MINAR1: variants seen among roughly 807,000 people sequenced by gnomAD.
The protein encoded by MINAR1 is membrane integral NOTCH2 associated receptor 1, also known as major intrinsically disordered Notch2-binding receptor 1.
A neutral mutation model predicts 65.1 loss-of-function variants in MINAR1; 40 were observed. The observed-to-expected ratio is 0.61, with a 90% CI of 0.48 to 0.80. The LOEUF is 0.80. Ranked by LOEUF, MINAR1 falls within the 30% of genes least tolerant of loss-of-function variation. MINAR1 has a pLI of 0.00. For missense variants in MINAR1, 1,128 were observed against 1,148.0 expected, an observed-to-expected ratio of 0.98 and a Z score of 0.25; for synonymous variants, 482 against 449.1, an observed-to-expected ratio of 1.07 and a Z score of -0.93.
At chr15:79,413,599 G>A in the MINAR1 span, 1 of 152,256 alleles carries the variant, frequency 6.6e-6, no homozygotes, top group Non-Finnish European at 1.5e-5. Context: ...AGTGCTGAAG[G>A]TGTGTTCATT....
rs770561012 is a variant in MINAR1, at chr15:79,468,307, A to T, written c.2674A>T (p.Ile892Leu). 1.9e-6 allele frequency: 3 copies of T among 1,614,038 alleles called. No homozygotes were observed. In the East Asian group the frequency reaches 6.7e-5, roughly 36 times the overall value. Residue 892 changes from isoleucine to leucine, a missense_variant, in exon 4 of 4, where the codon ATA becomes TTA. Coordinates refer to ENST00000305428, the MANE Select transcript of MINAR1 (RefSeq NM_015206.3). ...ATTCAGACGAGCCAAGGTCTGCAAG[A>T]TAGCTGCTCTGATCGCTGCTGCGGC... The part of the protein sequence containing the change: ...AEFRRAKVCK[I>L]AALIAAAACT...
upstream of MINAR1, among the ~76,000 whole-genome samples, chr15:79,430,493 G>T (rs556054757): frequency 6.6e-6 from 1 of 152,236 alleles, no homozygotes; most frequent in African/African-American, 2.4e-5. Context: ...TGAACTCAAA[G>T]GACAATGAGG....
At chr15:79,460,195 G>T (rs570642252) in intron 2 of MINAR1, among the ~76,000 whole-genome samples, 7 of 152,066 alleles carry the variant, frequency 4.6e-5, no homozygotes, top group Admixed American at 3.9e-4. Context: ...CTCCTTCCTG[G>T]CTTGTGACTC....
intron 1 of MINAR1, among the ~76,000 whole-genome samples, chr15:79,444,096 C>T (rs569052037): frequency 6.6e-6 from 1 of 152,260 alleles, no homozygotes; most frequent in East Asian, 1.9e-4. Flanking sequence ...AGTTAAGGCC[C>T]GGGTTCACAC....
At position 79,457,342 on chromosome 15, in the gene MINAR1, A is replaced by G; in HGVS notation, c.1195A>G (p.Ser399Gly). 1 of 1,614,208 alleles carries G rather than the reference A, an allele frequency of 6.2e-7. No homozygotes were observed. Among genetic ancestry groups the G allele is most frequent in the Non-Finnish European group, 8.5e-7 (1 of 1,180,028 alleles). Residue 399 changes from serine to glycine, a missense_variant, in exon 2 of 4, where the codon AGT becomes GGT. Transcript: ENST00000305428. ...GGAGAAGCTACACTATCCAAATGCCAGTAGCCAGACCCCCAATTTCCCAGC... is the reference window on the plus strand; with the variant it reads ...GGAGAAGCTACACTATCCAAATGCCGGTAGCCAGACCCCCAATTTCCCAGC... ...SEEKLHYPNA[S>G]SQTPNFPAPE...
At chr15:79,460,453 C>T (rs925455449) in intron 2 of MINAR1, among the ~76,000 whole-genome samples, 2 of 152,164 alleles carry the variant, frequency 1.3e-5, no homozygotes, top group Non-Finnish European at 2.9e-5. Context: ...TGAAGAAGCC[C>T]CTCTGGTCCC....
In MINAR1 at chr15:79,457,396, C is replaced by G; in HGVS notation, c.1249C>G (p.Pro417Ala). 1 of 1,614,134 alleles carries G rather than the reference C, an allele frequency of 6.2e-7. No homozygotes were observed. Among genetic ancestry groups the G allele is most frequent in the Non-Finnish European group, 8.5e-7 (1 of 1,180,024 alleles). The change falls in exon 2 of 4, where the codon CCA (proline) becomes GCA (alanine). Residue 417 changes from proline to alanine, a missense_variant. Physicochemically the swap from Pro to Ala is conservative, Grantham distance 27. Transcript: ENST00000305428. ...AGAAAGGCGCCCAACTTACCTTGTG[C>G]CAAAGGATCAACAGCCAATTCTCCC... is the stretch of plus-strand genomic sequence containing the variant. ...APERRPTYLV[P>A]KDQQPILPIA...
Position 79,470,298 on chromosome 15 carries a change from A to T in MINAR1, c.*1914A>T, listed in dbSNP as rs1446552600. 6.6e-6 allele frequency: 1 copy of T among 152,506 alleles called. No individual in the cohort carries two copies. Among genetic ancestry groups the T allele is most frequent in the Admixed American group, 6.5e-5 (1 of 15,270 alleles). 9.4% of individuals were successfully genotyped at this position (152,506 alleles called of 1,614,324 possible). On this transcript the variant is annotated 3_prime_UTR_variant, in exon 4 of 4. Transcript: ENST00000305428. Reference sequence around the variant, plus strand: ...AGACTACTAGGTTACCACTCTGGGCATTGCCTTTCCACCTAACCCCTCAAC... The same window carrying T: ...AGACTACTAGGTTACCACTCTGGGCTTTGCCTTTCCACCTAACCCCTCAAC...
intron 1 of MINAR1, among the ~76,000 whole-genome samples, chr15:79,437,396 G>T (rs529818125): frequency 1.5e-5 from 2 of 137,012 alleles, no homozygotes; most frequent in Non-Finnish European, 3.2e-5. Flanking sequence ...GCAGTGATTG[G>T]GTGTGGGTGT....
chr15:79,454,196 A>G (rs1895335777), intron 1 of MINAR1, among the ~76,000 whole-genome samples: 1 of 152,152 alleles, frequency 6.6e-6, no homozygotes, highest in African/African-American at 2.4e-5. Flanking sequence ...CTGGGCAGGA[A>G]CAGAACCTCT....
At position 79,459,953 on chromosome 15, in the gene MINAR1, A is replaced by T. The variant is rs532166914; in HGVS notation, c.2298+1508A>T. Among the ~76,000 whole-genome samples the T allele has an allele frequency of 5.3e-5, 8 of 152,256 alleles. No homozygotes were observed. The South Asian group carries it at 1.7e-3, about 32-fold the overall frequency. ...AGGTTTCTGGTGCTTTGGGTTTCAG[A>T]TATCATTGAACAGTGGCCATTTAGA... On this transcript the variant is annotated intron_variant, in intron 2 of 3. Coordinates refer to ENST00000305428, the MANE Select transcript of MINAR1 (RefSeq NM_015206.3).
Position 79,458,165 on chromosome 15 carries a change from C to T in MINAR1, c.2018C>T (p.Pro673Leu), listed in dbSNP as rs1895507902. ...CACGCACACAGTGGCTCCCACGGAC[C>T]CAAACTAGAGAACAACCCTGACTGG... ...MFHAHSGSHGPKLENNPDWCC... is the reference protein window; with the variant it reads ...MFHAHSGSHGLKLENNPDWCC... The change falls in exon 2 of 4, where the codon CCC (proline) becomes CTC (leucine). Residue 673 changes from proline (P) to leucine (L), a missense_variant. By Grantham distance (98) the Pro-to-Leu change is moderately conservative. Transcript: ENST00000305428. 2 of 1,614,030 alleles carry T rather than the reference C, an allele frequency of 1.2e-6. No individual in the cohort carries two copies. Among genetic ancestry groups the T allele is most frequent in the Admixed American group, 3.3e-5 (2 of 60,006 alleles).
intron 1 of MINAR1, among the ~76,000 whole-genome samples, chr15:79,435,055 AC>A (rs1894557318): frequency 6.6e-6 from 1 of 152,172 alleles, no homozygotes; most frequent in South Asian, 2.1e-4. Flanking sequence ...CGGGTGGATC[AC>A]CTGAGGTCGG....
chr15:79,427,188 T>G, the MINAR1 span: 27 of 152,176 alleles, frequency 1.8e-4, no homozygotes, highest in Non-Finnish European at 3.8e-4. Flanking sequence ...ATAATGCATG[T>G]TCTCACTTAT....
At chr15:79,437,620 G>T (rs969737758) in intron 1 of MINAR1, among the ~76,000 whole-genome samples, 1 of 143,572 alleles carries the variant, frequency 7.0e-6, no homozygotes, top group Admixed American at 7.0e-5. Context: ...TAATGAGTGA[G>T]TGTAGGTGTG....
chr15:79,472,095 C>G lies in MINAR1; in HGVS notation c.*3711C>G, dbSNP rs1217714777. 1 of 152,512 alleles carries G rather than the reference C, an allele frequency of 6.6e-6. No individual in the cohort carries two copies. Among genetic ancestry groups the G allele is most frequent in the African/African-American group, 2.4e-5 (1 of 41,422 alleles). 9.4% of individuals were successfully genotyped at this position (152,512 alleles called of 1,614,324 possible). A position where few individuals can be genotyped will look rare whatever the true frequency, so the allele number is the denominator to read the frequency against. On this transcript the variant is annotated 3_prime_UTR_variant, in exon 4 of 4. Transcript: ENST00000305428. ...GGGTATTCTTGAAGGCAGGGACTGT[C>G]TTTTCTATGTTTGTTCTGTACAGCT...
chr15:79,433,915 C>T (rs1894523812), intron 1 of MINAR1, among the ~76,000 whole-genome samples: 1 of 152,078 alleles, frequency 6.6e-6, no homozygotes, highest in African/African-American at 2.4e-5. Context: ...GAGTAGGATG[C>T]CTGGAGTTGT....
intron 1 of MINAR1, among the ~76,000 whole-genome samples, chr15:79,454,202 C>A (rs921523305): frequency 2.0e-5 from 3 of 152,128 alleles, no homozygotes; most frequent in African/African-American, 7.2e-5. Flanking sequence ...AGGAACAGAA[C>A]CTCTCAAGGG....
At position 79,468,079 on chromosome 15, in the gene MINAR1, C is replaced by T; in HGVS notation, c.2554-108C>T. The T allele has an allele frequency of 3.6e-6, 3 of 841,044 alleles. No individual in the cohort carries two copies. The South Asian group carries it at 5.1e-5, about 14-fold the overall frequency. 52.1% of individuals were successfully genotyped at this position (841,044 alleles called of 1,614,324 possible). On this transcript the variant is annotated intron_variant, in intron 3 of 3. Coordinates refer to ENST00000305428, the MANE Select transcript of MINAR1 (RefSeq NM_015206.3). ...CAGTGTTATGCAATACAGTCTCTAA[C>T]TCCCAGCTGCAGACAACTTAAGTGC...
Sources: gnomAD v4.1 joint callset for allele counts (sites outside exome capture counted in the v4.1 genomes callset) on GRCh38, gnomAD v4.1.1 for gene constraint, MANE v1.5 for transcripts, NCBI Gene and HGNC (gene_info 2026-07-23, HGNC 2026-07-21) for gene names.